The following CDH4 variants were observed in gnomAD, a reference collection of about 807,000 sequenced individuals.
CDH4 encodes cadherin-4.
CDH4 carries 33 observed loss-of-function variants against 86.0 expected under a neutral mutation model. The observed-to-expected ratio is 0.38, with a 90% confidence interval of 0.29 to 0.51. The LOEUF (loss-of-function observed/expected upper bound fraction) is 0.51. Among genes scored for constraint, CDH4 ranks in the 20% least tolerant of loss-of-function variants. CDH4 has a pLI of 0.86. For synonymous variants in CDH4, 555 were observed against 549.4 expected (o/e 1.01, Z -0.14); for missense variants, 1,114 against 1,307.4 (o/e 0.85, Z 2.28).
At chr20:61,311,849 C>G (rs1349829421) in intron 2 of CDH4, among the ~76,000 whole-genome samples, 1 of 152,274 alleles carries the variant, frequency 6.6e-6, no homozygotes, top group Non-Finnish European at 1.5e-5. Context: ...TGGGACGCGC[C>G]AGGGCGGGGC....
intron 2 of CDH4, among the ~76,000 whole-genome samples, chr20:61,358,917 C>T (rs978842897): frequency 9.9e-5 from 15 of 152,148 alleles, no homozygotes; most frequent in Non-Finnish European, 1.6e-4. Context: ...GGGTTTACTC[C>T]GTGATTCACC....
intron 11 of CDH4, 101 bp downstream of exon 11, chr20:61,924,577 G>C (rs1469980673): frequency 5.9e-6 from 8 of 1,346,866 alleles, no homozygotes; most frequent in Non-Finnish European, 8.1e-6. Flanking sequence ...CGAGAGGCCA[G>C]CAGGCATCCA....
chr20:61,420,944 A>C (rs1353209243), intron 2 of CDH4, among the ~76,000 whole-genome samples: 1 of 152,240 alleles, frequency 6.6e-6, no homozygotes, highest in East Asian at 1.9e-4. Context: ...CACACAGTGC[A>C]CTGGCAAACA....
Position 61,879,588 on chromosome 20 carries a change from C to T in CDH4, c.1050+5688C>T, listed in dbSNP as rs560870544. Among the ~76,000 whole-genome samples the T allele has an allele frequency of 6.6e-6, 1 of 152,242 alleles. No homozygotes were observed. The highest frequency in any genetic ancestry group is 2.4e-5 in the African/African-American group (1 of 41,544). On this transcript the variant is annotated intron_variant, in intron 7 of 15. Coordinates refer to ENST00000614565, the MANE Select transcript of CDH4 (RefSeq NM_001794.5). The surrounding 1 kb of genome is among the most constrained non-coding windows in gnomAD (Gnocchi z 4.1). ...TTGATTAAGATGTCAGGAGAGGCTT[C>T]GATAAGACCTGAGCGGTTCAAGTGT...
chr20:61,427,795 GCA>G, intron 2 of CDH4, among the ~76,000 whole-genome samples: 1 of 152,150 alleles, frequency 6.6e-6, no homozygotes, highest in Non-Finnish European at 1.5e-5. Flanking sequence ...GGCAGGCAGT[GCA>G]TACCTAGCTC....
Position 61,865,737 on chromosome 20 carries a change from A to G in CDH4, c.878-7991A>G, listed in dbSNP as rs6121819. Among the ~76,000 whole-genome samples, 780 of 150,958 alleles carry G rather than the reference A, an allele frequency of 5.2e-3. 7 individuals are homozygous for G. Among genetic ancestry groups the G allele is most frequent in the South Asian group, 0.016 (77 of 4,774 alleles). On this transcript the variant is annotated intron_variant, in intron 6 of 15. Coordinates refer to ENST00000614565, the MANE Select transcript of CDH4 (RefSeq NM_001794.5). ...GTTAGTTTCCTGGACAGGTTAGTGT[A>G]GATGATAGCTGGCTTCCTGACTGGT...
chr20:61,386,899 G>A (rs532635113), intron 2 of CDH4, among the ~76,000 whole-genome samples: 2 of 152,216 alleles, frequency 1.3e-5, no homozygotes, highest in Non-Finnish European at 2.9e-5. Context: ...CCGGGGGGAG[G>A]AGGCGTCAGG....
chr20:61,282,433 CA>C (rs1301603271), intron 2 of CDH4, among the ~76,000 whole-genome samples: 1 of 152,020 alleles, frequency 6.6e-6, no homozygotes, highest in Non-Finnish European at 1.5e-5. Context: ...TTCAAAATGC[CA>C]AAAAAATTAT....
intron 9 of CDH4, among the ~76,000 whole-genome samples, chr20:61,911,739 AG>A (rs1215255024): frequency 6.6e-6 from 1 of 151,992 alleles, no homozygotes; most frequent in African/African-American, 2.4e-5. Context: ...GATATGCCGA[AG>A]CGTAAGGAAA....
intron 4 of CDH4, among the ~76,000 whole-genome samples, chr20:61,836,223 C>T (rs1981870934): frequency 6.6e-6 from 1 of 152,180 alleles, no homozygotes; most frequent in Non-Finnish European, 1.5e-5. Flanking sequence ...AGAACAATGA[C>T]GCCCCCGGAG....
rs528687174 is a variant in CDH4, at chr20:61,869,267, G to A, written c.878-4461G>A. ...AAAAAAGAGCATACAGCAGAGGTCA[G>A]CAAACCACCGGCCAAACACAGCTCA... On this transcript the variant is annotated intron_variant, in intron 6 of 15. Transcript: ENST00000614565. Among the ~76,000 whole-genome samples, 5 of 152,336 alleles carry A rather than the reference G, an allele frequency of 3.3e-5. No homozygotes were observed. In the South Asian group the frequency reaches 1.0e-3, roughly 32 times the overall value.
chr20:61,923,071 A>T (rs1434832045), intron 9 of CDH4, among the ~76,000 whole-genome samples: 2 of 152,198 alleles, frequency 1.3e-5, no homozygotes, highest in African/African-American at 4.8e-5. Context: ...GCTGGCCAAC[A>T]ACGTCAGGAG....
At chr20:61,905,448 C>T (rs2054778872) in intron 8 of CDH4, among the ~76,000 whole-genome samples, 1 of 152,198 alleles carries the variant, frequency 6.6e-6, no homozygotes, top group Admixed American at 6.5e-5. Context: ...GCAGACAACA[C>T]CAGGACCCAC....
At chr20:61,565,083 G>GTGGTGGTGGTGGTGGTGGTGGTGGTGC (rs1555809017) in intron 2 of CDH4, among the ~76,000 whole-genome samples, 2 of 131,002 alleles carry the variant, frequency 1.5e-5, no homozygotes, top group Non-Finnish European at 3.4e-5. Flanking sequence ...GGTGGTGGTG[G>GTGGTGGTGGTGGTGGTGGTGGTGGTGC]TGGTGCTCTT....
intron 2 of CDH4, among the ~76,000 whole-genome samples, chr20:61,468,201 G>C (rs1319241580): frequency 6.6e-6 from 1 of 152,142 alleles, no homozygotes; most frequent in Non-Finnish European, 1.5e-5. Context: ...GATTCTGTAT[G>C]ACCCAAACCT....
intron 2 of CDH4, among the ~76,000 whole-genome samples, chr20:61,496,142 G>A (rs1352773899): frequency 5.3e-5 from 8 of 151,068 alleles, no homozygotes; most frequent in Non-Finnish European, 1.2e-4. Context: ...GCTCACTCTT[G>A]TAATCCCAGC....
intron 2 of CDH4, among the ~76,000 whole-genome samples, chr20:61,428,368 A>G (rs1456647363): frequency 6.6e-6 from 1 of 152,200 alleles, no homozygotes; most frequent in African/African-American, 2.4e-5. Flanking sequence ...TAACAGGGAT[A>G]CAGAGATTCT....
intron 2 of CDH4, among the ~76,000 whole-genome samples, chr20:61,472,390 C>A (rs1401810251): frequency 6.6e-6 from 1 of 152,156 alleles, no homozygotes; most frequent in Non-Finnish European, 1.5e-5. Context: ...CAAGTAAAGA[C>A]TTACTCCTGC....
chr20:61,312,946 A>C (rs1337195776), intron 2 of CDH4, among the ~76,000 whole-genome samples: 2 of 151,978 alleles, frequency 1.3e-5, no homozygotes, highest in Non-Finnish European at 2.9e-5. Flanking sequence ...CTCTCCCTCG[A>C]TCCAAGCTTT....
Sources: gnomAD v4.1 joint callset for allele counts (sites outside exome capture counted in the v4.1 genomes callset) on GRCh38, gnomAD v4.1.1 for gene constraint, Gnocchi (gnomAD v3.1) non-coding constraint, MANE v1.5 for transcripts, NCBI Gene and HGNC (gene_info 2026-07-23, HGNC 2026-07-21) for gene names.